Variants in MYH7 observed in about 807,000 individuals in gnomAD.
MYH7 encodes the protein myosin heavy chain 7, also known as myosin-7.
In MYH7, 129 loss-of-function variants were observed where a neutral mutation model predicts 225.4. The observed-to-expected ratio is 0.57, with a 90% CI of 0.50 to 0.66. The LOEUF is 0.66. MYH7 is among the 30% of genes least tolerant of loss of function. The pLI is 0.00. For synonymous variants in MYH7, 971 were observed against 1,007.6 expected (o/e 0.96, Z 0.69); for missense variants, 1,649 against 2,517.0 (o/e 0.66, Z 7.38).
rs1892685560 is a variant in MYH7, at chr14:23,426,061, C to T, written c.2065G>A (p.Val689Ile). The T allele has an allele frequency of 6.2e-7, 1 of 1,614,066 alleles. No homozygotes were observed. Among genetic ancestry groups the T allele is most frequent in the South Asian group, 1.1e-5 (1 of 91,086 alleles). The change falls in exon 19 of 40, where the codon GTC (valine) becomes ATC (isoleucine). Residue 689 changes from valine (V) to isoleucine (I), a missense_variant. This residue lies in a region of MYH7 where 41 missense variants were observed against 124.8 expected (regional missense o/e 0.33). Transcript: ENST00000355349. ...CCATTGCAGCGCAGCTGGTGCATGA[C>T]CAGGGGGTTGTCCATCACCCCTGTG... The part of the protein sequence containing the change: ...KSPGVMDNPL[V>I]MHQLRCNGVL...
intron 26 of MYH7, 129 bp from the exon 27 acceptor site, chr14:23,420,363 T>C (rs1412906276): frequency 1.3e-6 from 2 of 1,520,132 alleles, no homozygotes; most frequent in East Asian, 4.9e-5. Flanking sequence ...AGGTGGGAAT[T>C]AAAGGATTTG....
rs757490347 is a variant in MYH7, at chr14:23,427,575, C to T, written c.1888+10G>A. 6.2e-7 allele frequency: 1 copy of T among 1,613,808 alleles called. No individual in the cohort carries two copies. The highest frequency in any genetic ancestry group is 1.1e-5 in the South Asian group (1 of 90,996). On this transcript the variant is annotated intron_variant, in intron 16 of 39. Transcript: ENST00000355349. Reference sequence around the variant, plus strand: ...GCTCCTCTGTACCGGGAGCCTCAGTCCCTACTTACGCGCATCAGCCCCAGC... The same window carrying T: ...GCTCCTCTGTACCGGGAGCCTCAGTTCCTACTTACGCGCATCAGCCCCAGC...
intron 13 of MYH7, 51 bp downstream of exon 13, chr14:23,429,178 A>T: frequency 6.2e-7 from 1 of 1,613,888 alleles, no homozygotes; most frequent in Non-Finnish European, 8.5e-7. Context: ...TCATCCCACC[A>T]TGCCAGTCTC....
Position 23,417,282 on chromosome 14 carries a change from G to A in MYH7, c.4390C>T (p.Gln1464Ter), listed in dbSNP as rs754829218. ...AEWKQKYEES[Q>*]SELESSQKEA... is the part of the protein sequence containing the mutation. ...TTCTGCGAGGACTCCAGCTCCGACT[G>A]CGACTCCTCATACTTCTGCTTCCAC... Residue 1464 changes from glutamine (Q) to a stop codon, truncating the protein, a stop_gained, in exon 32 of 40, where the codon CAG (glutamine) becomes TAG (stop). Coordinates refer to ENST00000355349, the MANE Select transcript of MYH7 (RefSeq NM_000257.4). LOFTEE classifies it high-confidence loss of function. 7 of 1,614,052 alleles carry A rather than the reference G, an allele frequency of 4.3e-6. No homozygotes were observed. Among genetic ancestry groups the A allele is most frequent in the Non-Finnish European group, 5.9e-6 (7 of 1,180,038 alleles).
intron 39 of MYH7, 128 bp from the exon 40 acceptor site, chr14:23,412,999 G>A: frequency 2.2e-6 from 2 of 903,546 alleles, no homozygotes; most frequent in Non-Finnish European, 3.6e-6. Flanking sequence ...GGAAGCCCCT[G>A]TGGCAGCAGC....
chr14:23,415,297 G>A lies in MYH7; in HGVS notation c.5284-27C>T. The A allele has an allele frequency of 6.2e-7, 1 of 1,614,244 alleles. No homozygotes were observed. The highest frequency in any genetic ancestry group is 1.6e-4 in the Middle Eastern group (1 of 6,062). ...TGTGTGCAGGAGAGAGGTGGCACATGGTCTGGTCAAGTCCTCACACACTTG... is the reference window on the plus strand; with the variant it reads ...TGTGTGCAGGAGAGAGGTGGCACATAGTCTGGTCAAGTCCTCACACACTTG... On this transcript the variant is annotated intron_variant, in intron 36 of 39. Coordinates refer to ENST00000355349, the MANE Select transcript of MYH7 (RefSeq NM_000257.4). This position sits in a 1 kb window ranked among gnomAD's most constrained non-coding sequence, Gnocchi z 6.3.
At chr14:23,422,016 G>A (rs1892490286) in intron 25 of MYH7, among the ~76,000 whole-genome samples, 164 bp downstream of exon 25, 1 of 152,192 alleles carries the variant, frequency 6.6e-6, no homozygotes, top group South Asian at 2.1e-4. Context: ...TGATATCTGG[G>A]ACTAGGGGAG....
At chr14:23,424,197 A>C in intron 22 of MYH7, 48 bp from the exon 23 acceptor site, 2 of 1,612,058 alleles carry the variant, frequency 1.2e-6, no homozygotes, top group South Asian at 2.2e-5. Context: ...TAAGGTCCTC[A>C]TTCTTGCAGG....
Position 23,415,049 on chromosome 14 carries a change from C to T in MYH7, c.5505G>A (p.Glu1835=), listed in dbSNP as rs750622554. Residue 1835 remains glutamate, a synonymous_variant, in exon 37 of 40, where the codon GAG becomes GAA. Transcript: ENST00000355349. This position sits in a 1 kb window ranked among gnomAD's most constrained non-coding sequence, Gnocchi z 6.3. ...ELEAEQKRNA[E]SVKGMRKSER... is the part of the protein sequence containing the mutation. Reference sequence around the variant, plus strand: ...CGCTCTTCCTCATGCCCTTCACCGACTCTGCGTTGCGCTTCTGCTCGGCCT... The same window carrying T: ...CGCTCTTCCTCATGCCCTTCACCGATTCTGCGTTGCGCTTCTGCTCGGCCT... 4.3e-6 allele frequency: 7 copies of T among 1,612,518 alleles called. No individual in the cohort carries two copies. Among genetic ancestry groups the T allele is most frequent in the Non-Finnish European group, 5.9e-6 (7 of 1,180,026 alleles).
rs1469748218 is a variant in MYH7, at chr14:23,416,933, C to G, written c.4579G>C (p.Glu1527Gln). Residue 1527 changes from glutamate to glutamine, a missense_variant, in exon 33 of 40, where the codon GAG becomes CAG. By Grantham distance (29) the Glu-to-Gln change is conservative (BLOSUM62 2). Transcript: ENST00000355349. The stretch of plus-strand genomic sequence containing the variant: ...GCCTCCAGCTGCTTTCGGACCTTCT[C>G]CAGCTCATGGATAGTCTTTCCGCTG... Reference protein sequence around the residue: ...GSSGKTIHELEKVRKQLEAEK... With the variant: ...GSSGKTIHELQKVRKQLEAEK... The G allele has an allele frequency of 6.2e-7, 1 of 1,614,136 alleles. No individual in the cohort carries two copies. Among genetic ancestry groups the G allele is most frequent in the Non-Finnish European group, 8.5e-7 (1 of 1,180,056 alleles).
chr14:23,434,104 T>G, intron 2 of MYH7, 90 bp downstream of exon 2: 1 of 832,830 alleles, frequency 1.2e-6, no homozygotes, highest in East Asian at 7.0e-5. Context: ...CTCCAGCACA[T>G]GGCAGAAACT....
At position 23,419,313 on chromosome 14, in the gene MYH7, T is replaced by C; in HGVS notation, c.3854-18A>G. On this transcript the variant is annotated intron_variant, in intron 28 of 39. Transcript: ENST00000355349. ...CAGCTCACCTGGGGAAGCACCATTC[T>C]AGATCAGCACTCCTCTCTATCCCCA... 2 of 1,614,064 alleles carry C rather than the reference T, an allele frequency of 1.2e-6. No homozygotes were observed. Among genetic ancestry groups the C allele is most frequent in the Non-Finnish European group, 1.7e-6 (2 of 1,179,920 alleles).
chr14:23,416,434 C>A, intron 33 of MYH7, 122 bp from the exon 34 acceptor site: 1 of 1,121,254 alleles, frequency 8.9e-7, no homozygotes. Flanking sequence ...TTCAAAGAAG[C>A]AGAAGGTGGA....
intron 11 of MYH7, 64 bp from the exon 12 acceptor site, chr14:23,429,977 T>G: frequency 6.3e-7 from 1 of 1,596,550 alleles, no homozygotes; most frequent in Non-Finnish European, 8.6e-7. Context: ...GTGAGATCCC[T>G]TGTAAGTTGG....
chr14:23,422,253 C>T lies in MYH7; in HGVS notation c.3172G>A (p.Asp1058Asn), dbSNP rs730880770. The T allele has an allele frequency of 6.2e-7, 1 of 1,614,050 alleles. No homozygotes were observed. The highest frequency in any genetic ancestry group is 2.2e-5 in the East Asian group (1 of 44,868). The change falls in exon 25 of 40, where the codon GAC (aspartate) becomes AAC (asparagine). Residue 1058 changes from aspartate to asparagine, a missense_variant. Asp to Asn is a conservative substitution (Grantham distance 23). This residue lies in a region of MYH7 where 282 missense variants were observed against 315.3 expected (regional missense o/e 0.89). Transcript: ENST00000355349. ...LERAKRKLEG[D>N]LKLTQESIMD... ...ATGCTCTCCTGGGTCAGCTTCAGGT[C>T]GCCCTCCAGCTTCCGCTTCGCTCGC...
At chr14:23,435,237 T>A (rs1595092657) in intron 1 of MYH7, among the ~76,000 whole-genome samples, 1 of 151,986 alleles carries the variant, frequency 6.6e-6, no homozygotes, top group East Asian at 1.9e-4. Context: ...CACCATTCTT[T>A]CTCCCTCCCT....
rs730880837 is a variant in MYH7 at position 23,432,689 on chromosome 14, G to A, written c.452C>T (p.Pro151Leu). 2.5e-6 allele frequency: 4 copies of A among 1,614,108 alleles called. No individual in the cohort carries two copies. The highest frequency in any genetic ancestry group is 2.5e-6 in the Non-Finnish European group (3 of 1,180,036). Residue 151 changes from proline to leucine, a missense_variant, in exon 5 of 40, where the codon CCG (proline) becomes CTG (leucine). Around this residue, in one of 12 missense-constraint regions of MYH7, gnomAD observed 77 missense variants for 144.0 expected, o/e 0.53. Coordinates refer to ENST00000355349, the MANE Select transcript of MYH7 (RefSeq NM_000257.4). The part of the protein sequence containing the change: ...AYRGKKRSEA[P>L]PHIFSISDNA... ...GTCGGAGATGGAGAAGATGTGGGGC[G>A]GGGCCTCGCTCCTCTTCTTGCCCCG... is the stretch of plus-strand genomic sequence containing the variant.
chr14:23,421,105 C>G lies in MYH7; in HGVS notation c.3246-57G>C. ...AGACTCGTGGGGCCTCAGGAGGGTC[C>G]ACCAGTGGTTGAAAATGGTAATGAT... On this transcript the variant is annotated intron_variant, in intron 25 of 39. Transcript: ENST00000355349. The G allele has an allele frequency of 2.3e-6, 3 of 1,302,058 alleles. No individual in the cohort carries two copies. In the South Asian group the frequency reaches 3.6e-5, roughly 15 times the overall value. 80.7% of individuals were successfully genotyped at this position (1,302,058 alleles called of 1,614,324 possible).
Position 23,420,192 on chromosome 14 carries a change from T to C in MYH7, c.3379A>G (p.Thr1127Ala), listed in dbSNP as rs1595078538. 1 of 1,607,530 alleles carries C rather than the reference T, an allele frequency of 6.2e-7. No individual in the cohort carries two copies. The highest frequency in any genetic ancestry group is 1.7e-5 in the Admixed American group (1 of 59,712). Residue 1127 changes from threonine to alanine, a missense_variant, in exon 27 of 40, where the codon ACC becomes GCC. By Grantham distance (58) the Thr-to-Ala change is moderately conservative. Coordinates refer to ENST00000355349, the MANE Select transcript of MYH7 (RefSeq NM_000257.4). ...AGCTTCTCCACCTTAGCCCTGGCGG[T>C]GCGCTCGGCCTCCAGCTCCTCCTCC... ...ELEEELEAER[T>A]ARAKVEKLRS...
Sources: gnomAD v4.1 joint callset for allele counts (sites outside exome capture counted in the v4.1 genomes callset) on GRCh38, gnomAD v4.1.1 for gene constraint, gnomAD v4.1.1 regional missense constraint, Gnocchi (gnomAD v3.1) non-coding constraint, MANE v1.5 for transcripts, NCBI Gene and HGNC (gene_info 2026-07-23, HGNC 2026-07-21) for gene names.